The following ZNF44 variants were observed in gnomAD, a reference collection of about 807,000 sequenced individuals.
ZNF44 encodes the protein gonadotropin inducible transcription repressor-2.
A neutral mutation model predicts 11.7 loss-of-function variants in ZNF44; 9 were observed. That is an observed-to-expected ratio of 0.77 (90% CI 0.46 to 1.35). ZNF44 has a LOEUF of 1.35. ZNF44 is among the 40% of genes most tolerant of loss of function. The pLI is 0.00. For synonymous variants in ZNF44, 224 were observed against 242.7 expected (o/e 0.92, Z 0.72); for missense variants, 696 against 743.1 (o/e 0.94, Z 0.74).
chr19:12,279,873 AAAG>A (rs989236318), intron 1 of ZNF44, among the ~76,000 whole-genome samples: 30 of 151,480 alleles, frequency 2.0e-4, no homozygotes, highest in Non-Finnish European at 8.8e-5. Flanking sequence ...TTAAAAAAAA[AAAG>A]AAGTTCATCA....
chr19:12,240,716 CAT>C (rs1456039835), upstream of ZNF44, among the ~76,000 whole-genome samples: 3 of 152,076 alleles, frequency 2.0e-5, no homozygotes, highest in Non-Finnish European at 2.9e-5. Context: ...GGTCTTTAAA[CAT>C]ATGTTGTTGG....
At chr19:12,267,041 T>C (rs1229357519), downstream of ZNF44, among the ~76,000 whole-genome samples, 1 of 149,030 alleles carries the variant, frequency 6.7e-6, no homozygotes, top group Non-Finnish European at 1.5e-5. Flanking sequence ...TTTTTCTTTT[T>C]TCTTTTTTTT....
At position 12,294,758 on chromosome 19, in the gene ZNF44, C is replaced by A; in HGVS notation, c.-64G>T. 6.5e-7 allele frequency: 1 copy of A among 1,529,796 alleles called. No individual in the cohort carries two copies. The highest frequency in any genetic ancestry group is 1.4e-5 in the African/African-American group (1 of 71,290). The allele number at this position is 1,529,796 out of a possible 1,614,324, so 94.8% of individuals were successfully genotyped here. ...GTAGTCAGGGTAGGTCCCAGCGCGACAAAAGCCACCACAGATGTCCCAGGG... is the reference window on the plus strand; with the variant it reads ...GTAGTCAGGGTAGGTCCCAGCGCGAAAAAAGCCACCACAGATGTCCCAGGG... On this transcript the variant is annotated 5_prime_UTR_variant, in exon 1 of 4. Transcript: ENST00000355684.
intron 1 of ZNF44, among the ~76,000 whole-genome samples, chr19:12,280,420 C>G (rs1268154786): frequency 6.6e-6 from 1 of 151,876 alleles, no homozygotes; most frequent in Non-Finnish European, 1.5e-5. Context: ...TGCTATACTA[C>G]AAACTCTGGG....
At chr19:12,289,973 C>G (rs1967940420) in intron 1 of ZNF44, among the ~76,000 whole-genome samples, 1 of 151,806 alleles carries the variant, frequency 6.6e-6, no homozygotes, top group African/African-American at 2.4e-5. Context: ...TTTATCTTAC[C>G]TGAAGACTGT....
downstream of ZNF44, among the ~76,000 whole-genome samples, chr19:12,270,986 CAAAG>C (rs944357851): frequency 2.6e-5 from 4 of 152,000 alleles, no homozygotes; most frequent in Non-Finnish European, 5.9e-5. Context: ...TTAAATGTTG[CAAAG>C]AAAGTTGGTG....
downstream of ZNF44, chr19:12,244,484 A>G (rs1397293562): frequency 6.6e-6 from 1 of 152,504 alleles, no homozygotes; most frequent in East Asian, 1.9e-4. Flanking sequence ...AGTGTCCATT[A>G]TACCACAGGA....
downstream of ZNF44, among the ~76,000 whole-genome samples, chr19:12,267,833 C>T (rs202057725): frequency 7.0e-6 from 1 of 143,528 alleles, no homozygotes; most frequent in Admixed American, 7.0e-5. Flanking sequence ...GACAGATTGT[C>T]TTTTTTTTTT....
chr19:12,227,027 C>T (rs1161936489), intron 3 of ZNF44, among the ~76,000 whole-genome samples: 2 of 152,148 alleles, frequency 1.3e-5, no homozygotes, highest in East Asian at 3.9e-4. Flanking sequence ...CATGCCACTG[C>T]ATTCCAGCTT....
intron 1 of ZNF44, among the ~76,000 whole-genome samples, chr19:12,284,047 C>T (rs1967607302): frequency 6.6e-6 from 1 of 152,110 alleles, no homozygotes; most frequent in South Asian, 2.1e-4. Context: ...GATAAACCAC[C>T]ATCTGAAAGG....
chr19:12,249,656 G>T (rs1160886108), intron 7 of ZNF44, among the ~76,000 whole-genome samples: 1 of 151,994 alleles, frequency 6.6e-6, no homozygotes, highest in Admixed American at 6.5e-5. Flanking sequence ...GGGTTAAAGC[G>T]ATTCTCCTGC....
At chr19:12,253,840 G>A (rs541321326) in intron 5 of ZNF44, among the ~76,000 whole-genome samples, 8 of 152,144 alleles carry the variant, frequency 5.3e-5, no homozygotes, top group Non-Finnish European at 7.4e-5. Flanking sequence ...TTAGCCAGGC[G>A]TGGTGGCAGG....
upstream of ZNF44, among the ~76,000 whole-genome samples, chr19:12,239,615 A>C (rs2145683030): frequency 8.1e-6 from 1 of 124,054 alleles, no homozygotes; most frequent in South Asian, 2.5e-4. Flanking sequence ...TAACTCTGTC[A>C]TCCAGGCTGG....
Position 12,266,740 on chromosome 19 carries a change from C to G in ZNF44, c.1912+5747G>C, listed in dbSNP as rs542007663. On this transcript the variant is annotated intron_variant and NMD_transcript_variant, in intron 5 of 7. Transcript: ENST00000393337. ...ATAAGAAACCAGCAGGACATGCCCTCGCCAGAGGACATTGGAATTTAAGAA... is the reference window on the plus strand; with the variant it reads ...ATAAGAAACCAGCAGGACATGCCCTGGCCAGAGGACATTGGAATTTAAGAA... Among the ~76,000 whole-genome samples the G allele has an allele frequency of 3.3e-5, 5 of 152,306 alleles. No homozygotes were observed. The South Asian group carries it at 8.3e-4, about 25-fold the overall frequency.
upstream of ZNF44, among the ~76,000 whole-genome samples, chr19:12,241,342 T>C (rs755475911): frequency 6.6e-6 from 1 of 152,206 alleles, no homozygotes; most frequent in Non-Finnish European, 1.5e-5. Flanking sequence ...AGTATGGCTA[T>C]ACATGAACAT....
intron 5 of ZNF44, chr19:12,260,515 C>T (rs955192204): frequency 5.2e-6 from 6 of 1,158,282 alleles, no homozygotes; most frequent in Non-Finnish European, 6.3e-6. Flanking sequence ...CGGAAGCGGA[C>T]CCGCGCCACC....
intron 1 of ZNF44, among the ~76,000 whole-genome samples, chr19:12,291,711 GC>G (rs1968013537): frequency 6.6e-6 from 1 of 151,798 alleles, no homozygotes; most frequent in African/African-American, 2.4e-5. Flanking sequence ...AAAGAAAAAG[GC>G]TGCGTGCAGT....
At chr19:12,277,279 G>A (rs1967267820) in intron 1 of ZNF44, among the ~76,000 whole-genome samples, 1 of 152,096 alleles carries the variant, frequency 6.6e-6, no homozygotes, top group Non-Finnish European at 1.5e-5. Context: ...AGTTAAGTAT[G>A]ACAAAAGACT....
chr19:12,269,201 C>T (rs1185707456), downstream of ZNF44, among the ~76,000 whole-genome samples: 1 of 152,106 alleles, frequency 6.6e-6, no homozygotes. Flanking sequence ...ATGTGCATGA[C>T]ATGAGAAAAA....
Sources: gnomAD v4.1 joint callset for allele counts (sites outside exome capture counted in the v4.1 genomes callset) on GRCh38, gnomAD v4.1.1 for gene constraint, MANE v1.5 for transcripts, NCBI Gene and HGNC (gene_info 2026-07-23, HGNC 2026-07-21) for gene names.